PIGL: variants seen among roughly 807,000 people sequenced by gnomAD.
PIGL encodes the protein N-acetylglucosaminyl-phosphatidylinositol de-N-acetylase.
A neutral mutation model predicts 31.1 loss-of-function variants in PIGL; 22 were observed. That is an observed-to-expected ratio of 0.71 (90% confidence interval 0.51 to 1.01). The LOEUF is 1.01. PIGL is among the 50% of genes least tolerant of loss of function. The probability of loss-of-function intolerance (pLI) is 0.00; values close to 1 mark genes in which losing one functional copy is unlikely to be tolerated. For missense variants in PIGL, 302 were observed against 315.9 expected (o/e 0.96, Z 0.33); for synonymous variants, 131 against 117.4 (o/e 1.12, Z -0.75).
rs574460933 is a variant in PIGL at position 16,233,296 on chromosome 17, T to G, written c.236-675T>G. Among the ~76,000 whole-genome samples, 3 of 152,234 alleles carry G rather than the reference T, an allele frequency of 2.0e-5. No individual in the cohort carries two copies. In the East Asian group the frequency reaches 5.8e-4, roughly 29 times the overall value. On this transcript the variant is annotated intron_variant, in intron 1 of 6. Coordinates refer to ENST00000225609, the MANE Select transcript of PIGL (RefSeq NM_004278.4). ...TGATACCAAAATGTCACTGTATTAT[T>G]ATTTGTAAGGTTACAGAGGAGTTTT...
At chr17:16,306,607 G>A (rs1411234419) in intron 3 of PIGL, among the ~76,000 whole-genome samples, 1 of 145,682 alleles carries the variant, frequency 6.9e-6, no homozygotes, top group Non-Finnish European at 1.5e-5. Context: ...CAGCTCAACT[G>A]CAACCTCTGC....
At chr17:16,251,582 GA>G (rs869299058) in intron 2 of PIGL, among the ~76,000 whole-genome samples, 7 of 151,392 alleles carry the variant, frequency 4.6e-5, no homozygotes, top group East Asian at 1.9e-4. Context: ...AAAGAGGGGG[GA>G]AAAAATCTAG....
Position 16,247,155 on chromosome 17 carries a change from G to A in PIGL, c.335+13085G>A, listed in dbSNP as rs1010124045. Among the ~76,000 whole-genome samples, 8 of 152,042 alleles carry A rather than the reference G, an allele frequency of 5.3e-5. No individual in the cohort carries two copies. The East Asian group carries it at 1.2e-3, about 22-fold the overall frequency. ...GTTTTATTGGATTAAAGCCCCACTC[G>A]TATGACCTCATGTGATCTTAGTTAC... On this transcript the variant is annotated intron_variant, in intron 2 of 6. Transcript: ENST00000225609.
intron 1 of PIGL, among the ~76,000 whole-genome samples, chr17:16,225,347 G>T (rs888843230): frequency 7.1e-6 from 1 of 140,200 alleles, no homozygotes; most frequent in Admixed American, 7.1e-5. Context: ...TCGGTTCCAT[G>T]TGTATTTTGT....
At chr17:16,321,237 CTTTT>C (rs772667855) in intron 6 of PIGL, among the ~76,000 whole-genome samples, 4 of 119,836 alleles carry the variant, frequency 3.3e-5, no homozygotes, top group Admixed American at 8.5e-5. Flanking sequence ...TGCGCCGGGC[CTTTT>C]TTTTTTTTTT....
chr17:16,292,784 T>G (rs753900006), intron 2 of PIGL, among the ~76,000 whole-genome samples: 6 of 152,208 alleles, frequency 3.9e-5, no homozygotes, highest in Non-Finnish European at 8.8e-5. Context: ...CCAGAGTCCT[T>G]GCAGCTTGGT....
intron 1 of PIGL, among the ~76,000 whole-genome samples, chr17:16,220,735 A>G (rs2092624780): frequency 6.6e-6 from 1 of 151,882 alleles, no homozygotes. Flanking sequence ...TGATCCGCCC[A>G]CCTTGGCCTC....
chr17:16,318,799 C>T (rs1357138722), intron 6 of PIGL, among the ~76,000 whole-genome samples: 1 of 151,788 alleles, frequency 6.6e-6, no homozygotes, highest in African/African-American at 2.4e-5. Flanking sequence ...GGCGTGGTGG[C>T]ATGCACCTGT....
At chr17:16,218,502 C>T (rs890051540) in intron 1 of PIGL, among the ~76,000 whole-genome samples, 1 of 152,042 alleles carries the variant, frequency 6.6e-6, no homozygotes, top group Admixed American at 6.6e-5. Flanking sequence ...TCGGGATAAA[C>T]CTTAATCATC....
At chr17:16,278,772 C>T (rs979153855) in intron 2 of PIGL, among the ~76,000 whole-genome samples, 21 of 151,412 alleles carry the variant, frequency 1.4e-4, no homozygotes, top group Non-Finnish European at 3.1e-4. Context: ...AAACACATTT[C>T]ACTTTCCTTG....
intron 2 of PIGL, among the ~76,000 whole-genome samples, chr17:16,268,749 G>GT (rs1441873713): frequency 1.3e-5 from 2 of 150,528 alleles, no homozygotes; most frequent in Non-Finnish European, 3.0e-5. Context: ...TGCGCCTGGC[G>GT]TTTTTTTGTT....
intron 2 of PIGL, among the ~76,000 whole-genome samples, chr17:16,280,308 A>G (rs2092911315): frequency 6.6e-6 from 1 of 152,184 alleles, no homozygotes; most frequent in African/African-American, 2.4e-5. Flanking sequence ...GTTGATGGAA[A>G]TAGATTAGCC....
chr17:16,297,622 G>C (rs558973817), intron 2 of PIGL, among the ~76,000 whole-genome samples: 6 of 152,218 alleles, frequency 3.9e-5, no homozygotes, highest in African/African-American at 1.2e-4. Flanking sequence ...GTGAGCTCAG[G>C]GGCTTATGTT....
chr17:16,265,717 G>A (rs1376786732), intron 2 of PIGL, among the ~76,000 whole-genome samples: 1 of 151,694 alleles, frequency 6.6e-6, no homozygotes, highest in Non-Finnish European at 1.5e-5. Flanking sequence ...TCGTAGCATG[G>A]GCAACAGAGC....
intron 3 of PIGL, among the ~76,000 whole-genome samples, chr17:16,310,778 G>A (rs1407500581): frequency 1.3e-5 from 2 of 152,104 alleles, no homozygotes; most frequent in Non-Finnish European, 2.9e-5. Context: ...CAAGTGATCT[G>A]CCCGCCTCAG....
intron 1 of PIGL, among the ~76,000 whole-genome samples, chr17:16,231,586 C>G (rs959823561): frequency 2.6e-5 from 4 of 151,838 alleles, no homozygotes; most frequent in Admixed American, 2.0e-4. Flanking sequence ...TTAGAATAAA[C>G]TAATTTTAAA....
At chr17:16,315,708 C>CTT (rs1157169209) in intron 4 of PIGL, among the ~76,000 whole-genome samples, 3,476 of 57,664 alleles carry the variant, frequency 0.06, 56 homozygotes, top group Non-Finnish European at 0.065. Flanking sequence ...TTCTTTCTTT[C>CTT]TTTTTTTTTT....
At chr17:16,241,093 A>G (rs1367855535) in intron 2 of PIGL, among the ~76,000 whole-genome samples, 1 of 147,306 alleles carries the variant, frequency 6.8e-6, no homozygotes, top group East Asian at 2.0e-4. Context: ...CAGCCTGGGC[A>G]ACAAAAACGA....
intron 1 of PIGL, among the ~76,000 whole-genome samples, chr17:16,233,721 A>G (rs1369243985): frequency 2.0e-5 from 3 of 152,172 alleles, no homozygotes; most frequent in African/African-American, 7.2e-5. Flanking sequence ...ACTGAAATGC[A>G]GACAGACAGA....
Sources: gnomAD v4.1 joint callset for allele counts (sites outside exome capture counted in the v4.1 genomes callset) on GRCh38, gnomAD v4.1.1 for gene constraint, MANE v1.5 for transcripts, NCBI Gene and HGNC (gene_info 2026-07-23, HGNC 2026-07-21) for gene names.